The following RUVBL1 variants were observed in gnomAD, a reference collection of about 807,000 sequenced individuals.
RUVBL1 encodes RuvB like AAA ATPase 1.
In RUVBL1, 4 loss-of-function variants were observed where a neutral mutation model predicts 52.4. The ratio of observed to expected loss-of-function variants is 0.08; its 90% CI spans 0.04 to 0.17. The LOEUF is 0.17. RUVBL1 is among the 10% of genes least tolerant of loss of function. The probability of loss-of-function intolerance (pLI) is 1.00; values close to 1 mark genes in which losing one functional copy is unlikely to be tolerated. For missense variants in RUVBL1, 298 were observed against 572.8 expected (o/e 0.52, Z 4.90); for synonymous variants, 217 against 214.4 (o/e 1.01, Z -0.10).
chr3:128,108,352 C>A (rs1943297306), intron 3 of RUVBL1, among the ~76,000 whole-genome samples: 1 of 152,174 alleles, frequency 6.6e-6, no homozygotes, highest in Non-Finnish European at 1.5e-5. Flanking sequence ...AATGGTACTA[C>A]TGTCCCCTCC....
Position 128,067,656 on chromosome 3 carries a change from C to A in RUVBL1, c.940-2436G>T. 1 of 1,467,028 alleles carries A rather than the reference C, an allele frequency of 6.8e-7. No homozygotes were observed. The highest frequency in any genetic ancestry group is 9.4e-7 in the Non-Finnish European group (1 of 1,058,458). 90.9% of individuals were successfully genotyped at this position (1,467,028 alleles called of 1,614,324 possible). A position where few individuals can be genotyped will look rare whatever the true frequency, so the allele number is the denominator to read the frequency against. On this transcript the variant is annotated intron_variant, in intron 9 of 9. Transcript: ENST00000464873. This position sits in a 1 kb window ranked among gnomAD's most constrained non-coding sequence, Gnocchi z 4.1. The stretch of plus-strand genomic sequence containing the variant: ...TTCTGGAAGGGTGATGAAAGTGTGA[C>A]TGGTATAAGGGGTGTGGACTTGTCA...
upstream of RUVBL1, chr3:128,124,022 A>G (rs1368019196): frequency 1.8e-6 from 1 of 564,420 alleles, no homozygotes; most frequent in Non-Finnish European, 2.2e-6. Flanking sequence ...CACGCCCCGG[A>G]TTTGATCTAG....
chr3:128,152,027 C>T (rs1230799159), intron 1 of RUVBL1, among the ~76,000 whole-genome samples: 7 of 152,202 alleles, frequency 4.6e-5, no homozygotes, highest in Non-Finnish European at 1.5e-5. Context: ...TCCCTCTTTG[C>T]ACAGGAAAAG....
chr3:128,075,617 C>T (rs1403737869), intron 9 of RUVBL1, among the ~76,000 whole-genome samples: 1 of 152,018 alleles, frequency 6.6e-6, no homozygotes, highest in Non-Finnish European at 1.5e-5. Flanking sequence ...TCGCGACTTC[C>T]CAAGTCGTGC....
At chr3:128,121,754 C>T (rs1943656271) in intron 1 of RUVBL1, among the ~76,000 whole-genome samples, 2 of 147,448 alleles carry the variant, frequency 1.4e-5, no homozygotes, top group Admixed American at 1.3e-4. Context: ...TCTTTCCACA[C>T]AACCCTGTCA....
At chr3:128,109,322 G>A (rs1943322029) in intron 3 of RUVBL1, among the ~76,000 whole-genome samples, 1 of 152,160 alleles carries the variant, frequency 6.6e-6, no homozygotes, top group East Asian at 1.9e-4. Context: ...AAGGCAAAAG[G>A]ATTACTTGAG....
At chr3:128,110,301 AAG>A (rs1943356116) in intron 3 of RUVBL1, among the ~76,000 whole-genome samples, 1 of 152,084 alleles carries the variant, frequency 6.6e-6, no homozygotes, top group Non-Finnish European at 1.5e-5. Context: ...AAAATTTAAA[AAG>A]AGAAAAATGT....
exon 10 of RUVBL1, chr3:128,064,860 T>A: frequency 2.5e-6 from 4 of 1,577,920 alleles, no homozygotes; most frequent in Non-Finnish European, 3.4e-6. Flanking sequence ...CATATATGTC[T>A]CCTCCTCTGC....
intron 1 of RUVBL1, among the ~76,000 whole-genome samples, chr3:128,150,879 CTATA>C (rs1368974028): frequency 1.3e-5 from 1 of 74,288 alleles, no homozygotes; most frequent in African/African-American, 5.8e-5. Flanking sequence ...TATATATATT[CTATA>C]TATATATTCT....
intron 1 of RUVBL1, among the ~76,000 whole-genome samples, chr3:128,144,157 T>C (rs1381732164): frequency 6.6e-6 from 1 of 152,170 alleles, no homozygotes; most frequent in Non-Finnish European, 1.5e-5. Context: ...TGGGACCTAC[T>C]GAGGAAGGCA....
chr3:128,086,962 C>A (rs922470306), intron 9 of RUVBL1, among the ~76,000 whole-genome samples: 1 of 152,266 alleles, frequency 6.6e-6, no homozygotes, highest in Admixed American at 6.5e-5. Flanking sequence ...GAGCTAGATG[C>A]TTCCAAGGGT....
chr3:128,105,526 C>T (rs1199906152), intron 3 of RUVBL1, among the ~76,000 whole-genome samples: 2 of 152,120 alleles, frequency 1.3e-5, no homozygotes, highest in African/African-American at 2.4e-5. Context: ...GTGAAATTTA[C>T]CTTTAGCCTT....
chr3:128,074,842 C>CAAAAAAAAAAAAAA (rs386397876), intron 9 of RUVBL1, among the ~76,000 whole-genome samples: 2 of 72,798 alleles, frequency 2.7e-5, no homozygotes, highest in Non-Finnish European at 5.5e-5. Context: ...AACTCCGTCT[C>CAAAAAAAAAAAAAA]AAAAAAAAAA....
chr3:128,089,721 T>C (rs1254442528), intron 8 of RUVBL1, among the ~76,000 whole-genome samples: 1 of 151,890 alleles, frequency 6.6e-6, no homozygotes, highest in African/African-American at 2.4e-5. Flanking sequence ...GGTTTCTTTA[T>C]AGGAAATATC....
intron 1 of RUVBL1, among the ~76,000 whole-genome samples, chr3:128,137,252 A>T (rs1943961344): frequency 6.6e-6 from 1 of 152,230 alleles, no homozygotes; most frequent in African/African-American, 2.4e-5. Context: ...AAAAGCAATG[A>T]AATGAAGAGT....
At chr3:128,130,840 C>A (rs1943867258) in intron 1 of RUVBL1, among the ~76,000 whole-genome samples, 2 of 151,662 alleles carry the variant, frequency 1.3e-5, no homozygotes, top group Admixed American at 1.3e-4. Flanking sequence ...TTAGTAGAGA[C>A]CGGGTTTCAC....
chr3:128,081,079 CA>C lies in RUVBL1; in HGVS notation c.*170del, dbSNP rs1181185077. 5 of 591,214 alleles carry C rather than the reference CA, an allele frequency of 8.5e-6. No individual in the cohort carries two copies. The highest frequency in any genetic ancestry group is 1.4e-5 in the Non-Finnish European group (5 of 349,784). 36.6% of individuals were successfully genotyped at this position (591,214 alleles called of 1,614,324 possible). ...AGGAAGGGTTCTTTCAAAGCAACCA[CA>C]GGAACAGTTACGATAACTTAAAAAG... On this transcript the variant is annotated 3_prime_UTR_variant, in exon 11 of 11. Transcript: ENST00000322623. This position sits in a 1 kb window ranked among gnomAD's most constrained non-coding sequence, Gnocchi z 4.8.
In RUVBL1 at chr3:128,150,753, C is replaced by CTATATATAT. The variant is rs1334087536; in HGVS notation, c.-40+2449_-40+2450insATATATATA. On this transcript the variant is annotated intron_variant, in intron 1 of 9. Coordinates refer to the RUVBL1 transcript ENST00000464873. Reference sequence around the variant, plus strand: ...CTATATATATTCTATATTATATATTCTCTATATATTCTATATATTATATAT... The same window carrying CTATATATAT: ...CTATATATATTCTATATTATATATTCTATATATATTCTATATATTCTATATATTATATAT... 3.8e-4 allele frequency among the ~76,000 whole-genome samples: 36 copies of CTATATATAT among 95,612 alleles called. 1 individual carries two copies. Among genetic ancestry groups the CTATATATAT allele is most frequent in the South Asian group, 1.2e-3 (4 of 3,276 alleles). 62.7% of individuals were successfully genotyped at this position (95,612 alleles called of 152,430 possible).
intron 9 of RUVBL1, chr3:128,084,082 AAAAG>A (rs758191407): frequency 6.5e-5 from 10 of 153,246 alleles, no homozygotes; most frequent in East Asian, 1.9e-4. Context: ...CCATCTCAAA[AAAAG>A]AAAGAAAGAA....
Sources: gnomAD v4.1 joint callset for allele counts (sites outside exome capture counted in the v4.1 genomes callset) on GRCh38, gnomAD v4.1.1 for gene constraint, Gnocchi (gnomAD v3.1) non-coding constraint, MANE v1.5 for transcripts, NCBI Gene and HGNC (gene_info 2026-07-23, HGNC 2026-07-21) for gene names.